MYCBP2: variants seen among roughly 807,000 people sequenced by gnomAD.
The protein encoded by MYCBP2 is E3 ubiquitin-protein ligase MYCBP2.
MYCBP2 carries 120 observed loss-of-function variants against 525.3 expected under a neutral mutation model. The observed-to-expected ratio is 0.23, with a 90% CI of 0.20 to 0.27. MYCBP2 has a LOEUF of 0.27. Ranked by LOEUF, MYCBP2 falls within the 10% of genes least tolerant of loss-of-function variation. The pLI is 1.00. For synonymous variants in MYCBP2, 1,894 were observed against 1,955.8 expected (o/e 0.97, Z 0.83); for missense variants, 4,149 against 5,657.1 (o/e 0.73, Z 8.55).
intron 7 of MYCBP2, 124 bp from the exon 8 acceptor site, chr13:77,268,061 G>T: frequency 5.1e-6 from 3 of 591,152 alleles, no homozygotes; most frequent in South Asian, 4.5e-5. Flanking sequence ...ATGTCTAAAA[G>T]ATATTAATGA....
chr13:77,162,958 A>G (rs1295696195), intron 43 of MYCBP2, among the ~76,000 whole-genome samples: 1 of 152,174 alleles, frequency 6.6e-6, no homozygotes, highest in Non-Finnish European at 1.5e-5. Context: ...TTTGTAATAT[A>G]CAGAGTAATG....
chr13:77,137,824 T>C (rs1286331588), intron 52 of MYCBP2, among the ~76,000 whole-genome samples: 1 of 152,128 alleles, frequency 6.6e-6, no homozygotes, highest in East Asian at 1.9e-4. Context: ...CCTCAGGTGA[T>C]CCACTGGCCT....
At chr13:77,125,022 G>A (rs1489427441) in intron 54 of MYCBP2, among the ~76,000 whole-genome samples, 2 of 152,030 alleles carry the variant, frequency 1.3e-5, no homozygotes, top group Non-Finnish European at 2.9e-5. Flanking sequence ...TTATAGAAGG[G>A]ATAGAACGTT....
chr13:77,064,043 G>T (rs1301683560), intron 73 of MYCBP2, among the ~76,000 whole-genome samples: 4 of 152,124 alleles, frequency 2.6e-5, no homozygotes, highest in African/African-American at 9.7e-5. Flanking sequence ...ATCTCTTCTG[G>T]AAGTATATGG....
chr13:77,260,097 T>C lies in MYCBP2; in HGVS notation c.2017+331A>G, dbSNP rs1047681937. ...CTTCAACAATTATAAACTAGCTATG[T>C]CATGAAAATCACTTCTTCAGGATAC... On this transcript the variant is annotated intron_variant, in intron 13 of 82. Coordinates refer to ENST00000544440, the MANE Select transcript of MYCBP2 (RefSeq NM_015057.5). Among the ~76,000 whole-genome samples, 3 of 152,170 alleles carry C rather than the reference T, an allele frequency of 2.0e-5. No individual in the cohort carries two copies. In the South Asian group the frequency reaches 6.2e-4, roughly 31 times the overall value.
chr13:77,241,621 AG>A (rs1287689259), intron 17 of MYCBP2, among the ~76,000 whole-genome samples: 1 of 152,200 alleles, frequency 6.6e-6, no homozygotes, highest in African/African-American at 2.4e-5. Flanking sequence ...AAATACTGAC[AG>A]TATCTATATT....
At chr13:77,223,285 C>T (rs1404397157) in intron 20 of MYCBP2, among the ~76,000 whole-genome samples, 1 of 152,176 alleles carries the variant, frequency 6.6e-6, no homozygotes, top group Non-Finnish European at 1.5e-5. Context: ...GTATCCTCAG[C>T]TTGGGGACAC....
chr13:77,139,470 G>A, intron 51 of MYCBP2, 134 bp from the exon 52 acceptor site: 1 of 931,228 alleles, frequency 1.1e-6, no homozygotes, highest in South Asian at 2.6e-5. Context: ...CAGAAAGTAA[G>A]TCTGAGAGAC....
In MYCBP2 at chr13:77,326,915, A is replaced by G; in HGVS notation, c.-140T>C. ...CCCGCAGCAGGGAGACTACAAAGAC[A>G]GCGACCTCCTTCTCCTCCTCCTTCT... On this transcript the variant is annotated 5_prime_UTR_variant, in exon 1 of 83. Transcript: ENST00000544440. The surrounding 1 kb of genome is among the most constrained non-coding windows in gnomAD (Gnocchi z 4.2). The G allele has an allele frequency of 1.4e-6, 1 of 725,208 alleles. No homozygotes were observed. 44.9% of individuals were successfully genotyped at this position (725,208 alleles called of 1,614,324 possible). A position where few individuals can be genotyped will look rare whatever the true frequency, so the allele number is the denominator to read the frequency against.
chr13:77,277,415 G>C (rs1025466250), intron 4 of MYCBP2, among the ~76,000 whole-genome samples: 2 of 152,120 alleles, frequency 1.3e-5, no homozygotes, highest in East Asian at 1.9e-4. Flanking sequence ...GTGTATGTGA[G>C]GGGGGTGGTT....
At chr13:77,151,392 A>G (rs2056434273) in intron 46 of MYCBP2, among the ~76,000 whole-genome samples, 1 of 152,208 alleles carries the variant, frequency 6.6e-6, no homozygotes, top group Non-Finnish European at 1.5e-5. Context: ...AATGTACTCT[A>G]TTTATAGAAG....
intron 59 of MYCBP2, among the ~76,000 whole-genome samples, chr13:77,091,348 C>A (rs2045385486): frequency 6.6e-6 from 1 of 151,298 alleles, no homozygotes; most frequent in Non-Finnish European, 1.5e-5. Context: ...TACTATAAAG[C>A]ACAGACATTT....
At chr13:77,212,390 T>TA (rs1254684437) in intron 21 of MYCBP2, among the ~76,000 whole-genome samples, 3 of 152,026 alleles carry the variant, frequency 2.0e-5, no homozygotes, top group African/African-American at 4.8e-5. Context: ...CATTATTTTT[T>TA]AAAAAAAAGT....
At chr13:77,174,565 T>C (rs548506126) in intron 36 of MYCBP2, 76 bp from the exon 37 acceptor site, 12 of 1,066,604 alleles carry the variant, frequency 1.1e-5, no homozygotes, top group South Asian at 8.5e-5. Flanking sequence ...AGCAGTAAAA[T>C]AGGCAAATAT....
chr13:77,067,525 C>A, intron 71 of MYCBP2, 56 bp downstream of exon 71: 1 of 1,544,122 alleles, frequency 6.5e-7, no homozygotes, highest in South Asian at 1.2e-5. Flanking sequence ...TCTTAAATTT[C>A]TGAACAGTAG....
chr13:77,277,406 T>C (rs1432677779), intron 4 of MYCBP2, among the ~76,000 whole-genome samples: 1 of 152,168 alleles, frequency 6.6e-6, no homozygotes, highest in Non-Finnish European at 1.5e-5. Context: ...TTAATAACTG[T>C]GTATGTGAGG....
chr13:77,175,866 A>C (rs1434205515), intron 36 of MYCBP2, among the ~76,000 whole-genome samples: 1 of 151,950 alleles, frequency 6.6e-6, no homozygotes, highest in Admixed American at 6.6e-5. Flanking sequence ...CTGACACAGG[A>C]GAATCATTTA....
At chr13:77,224,006 G>C (rs1317802919) in intron 20 of MYCBP2, among the ~76,000 whole-genome samples, 1 of 152,120 alleles carries the variant, frequency 6.6e-6, no homozygotes, top group Non-Finnish European at 1.5e-5. Context: ...GAGACCAATA[G>C]GTTCTGTCCA....
chr13:77,148,218 C>T (rs572862381), intron 47 of MYCBP2, among the ~76,000 whole-genome samples: 6 of 151,316 alleles, frequency 4.0e-5, no homozygotes, highest in South Asian at 4.2e-4. Context: ...ATATTTATTT[C>T]GGATATAGAA....
Sources: allele counts gnomAD v4.1 joint callset (sites outside exome capture counted in the v4.1 genomes callset), GRCh38; gene constraint gnomAD v4.1.1; non-coding constraint Gnocchi (gnomAD v3.1); transcripts MANE v1.5; gene names NCBI Gene and HGNC (gene_info 2026-07-23, HGNC 2026-07-21).